SMOX: variants seen among roughly 807,000 people sequenced by gnomAD.
SMOX encodes the protein flavin containing amine oxidase.
Under a neutral mutation model 51.0 loss-of-function variants are expected in SMOX, and 22 were observed. That is an observed-to-expected ratio of 0.43 (90% CI 0.31 to 0.62). The LOEUF (loss-of-function observed/expected upper bound fraction) is 0.62. Among genes scored for constraint, SMOX ranks in the 20% least tolerant of loss-of-function variants. SMOX has a pLI of 0.10. For missense variants in SMOX, 566 were observed against 777.7 expected (o/e 0.73, Z 3.24); for synonymous variants, 282 against 307.8 (o/e 0.92, Z 0.88).
In SMOX at chr20:4,175,422, G is replaced by A. The variant is rs75757823; in HGVS notation, c.208+159G>A. ...CCAGAAGCTTCCTTCGCTCCTCGTG[G>A]CAGCCCTCTGAGGCGGGCATGGTAG... On this transcript the variant is annotated intron_variant, in intron 2 of 6. Transcript: ENST00000305958. Among the ~76,000 whole-genome samples the A allele has an allele frequency of 5.6e-3, 857 of 152,284 alleles. 14 individuals carry two copies. Among genetic ancestry groups the A allele is most frequent in the African/African-American group, 0.019 (805 of 41,554 alleles).
At chr20:4,164,015 C>T (rs2122446882) in intron 1 of SMOX, among the ~76,000 whole-genome samples, 1 of 152,274 alleles carries the variant, frequency 6.6e-6, no homozygotes, top group South Asian at 2.1e-4. Flanking sequence ...CTGGTGGCCA[C>T]ATAAATTGTC....
At chr20:4,161,679 C>T (rs571586393) in intron 1 of SMOX, among the ~76,000 whole-genome samples, 60 of 152,316 alleles carry the variant, frequency 3.9e-4, no homozygotes, top group Admixed American at 7.8e-4. Flanking sequence ...CCTTCCCTGA[C>T]GCCCCTGTGC....
intron 1 of SMOX, among the ~76,000 whole-genome samples, chr20:4,165,593 A>G (rs572151211): frequency 1.4e-4 from 21 of 152,182 alleles, no homozygotes; most frequent in Non-Finnish European, 2.8e-4. Flanking sequence ...AATCCAGACC[A>G]TGGGGTCTTA....
At chr20:4,155,404 G>A (rs956677573) in intron 1 of SMOX, among the ~76,000 whole-genome samples, 3 of 141,356 alleles carry the variant, frequency 2.1e-5, no homozygotes, top group East Asian at 2.1e-4. Context: ...CCTCTGCGGC[G>A]TACGTGGGAG....
At chr20:4,185,366 A>G (rs1309388189) in intron 6 of SMOX, among the ~76,000 whole-genome samples, 1 of 152,224 alleles carries the variant, frequency 6.6e-6, no homozygotes, top group African/African-American at 2.4e-5. Flanking sequence ...CAGGGTAGGT[A>G]GATCAGTACC....
In SMOX at chr20:4,187,561, C is replaced by G. The variant is rs894191705; in HGVS notation, c.*154C>G. ...ACTGCCTTCAGACCTGGCCCTGTAG[C>G]TTTTCTTTTTCTCCAGGCTGGGCCG... On this transcript the variant is annotated 3_prime_UTR_variant, in exon 7 of 7. Transcript: ENST00000305958. The surrounding 1 kb of genome is among the most constrained non-coding windows in gnomAD (Gnocchi z 4.8). The G allele has an allele frequency of 1.0e-5, 12 of 1,145,176 alleles. No individual in the cohort carries two copies. Among genetic ancestry groups the G allele is most frequent in the African/African-American group, 1.5e-5 (1 of 64,598 alleles). 70.9% of individuals were successfully genotyped at this position (1,145,176 alleles called of 1,614,324 possible). A position where few individuals can be genotyped will look rare whatever the true frequency, so the allele number is the denominator to read the frequency against.
At chr20:4,156,784 G>A (rs1356502405) in intron 1 of SMOX, among the ~76,000 whole-genome samples, 2 of 152,008 alleles carry the variant, frequency 1.3e-5, no homozygotes, top group Admixed American at 6.6e-5. Flanking sequence ...ACTCTGTCAC[G>A]CAGGCTGGAG....
At chr20:4,169,024 T>C (rs1370111472) in intron 1 of SMOX, among the ~76,000 whole-genome samples, 1 of 152,026 alleles carries the variant, frequency 6.6e-6, no homozygotes, top group Non-Finnish European at 1.5e-5. Flanking sequence ...CATAGCTCAT[T>C]GCAACCTTGA....
chr20:4,156,366 G>A (rs978390608), intron 1 of SMOX, among the ~76,000 whole-genome samples: 1 of 152,174 alleles, frequency 6.6e-6, no homozygotes, highest in Non-Finnish European at 1.5e-5. Context: ...GGTGGGATGG[G>A]CACATTTGGA....
chr20:4,163,434 T>TG (rs1345501262), intron 1 of SMOX, among the ~76,000 whole-genome samples: 1 of 151,984 alleles, frequency 6.6e-6, no homozygotes, highest in Non-Finnish European at 1.5e-5. Context: ...AGGGGTTGGT[T>TG]GGGGGAGTGT....
In SMOX at chr20:4,170,947, C is replaced by T. The variant is rs998889673; in HGVS notation, c.-26-4083C>T. ...ATTTCTTGGCACTCCTAGGCATTGC[C>T]TGCTTGGGGACATGGAGAATAACCT... On this transcript the variant is annotated intron_variant, in intron 1 of 6. Coordinates refer to ENST00000305958, the MANE Select transcript of SMOX (RefSeq NM_175839.3). This position sits in a 1 kb window ranked among gnomAD's most constrained non-coding sequence, Gnocchi z 4.6. Among the ~76,000 whole-genome samples the T allele has an allele frequency of 2.0e-5, 3 of 152,192 alleles. No homozygotes were observed. Among genetic ancestry groups the T allele is most frequent in the Non-Finnish European group, 4.4e-5 (3 of 68,030 alleles).
chr20:4,155,261 G>A (rs948320086), intron 1 of SMOX, among the ~76,000 whole-genome samples: 9 of 152,140 alleles, frequency 5.9e-5, no homozygotes, highest in Non-Finnish European at 1.2e-4. Flanking sequence ...CCCAGCTGCC[G>A]GGCCATCACC....
At position 4,186,926 on chromosome 20, in the gene SMOX, C is replaced by A. The variant is rs981629516; in HGVS notation, c.1531-344C>A. ...GATTTCCCTTAATCCTTACAACCAC[C>A]CTCCGAAGTAGGTGGTATAAACCCA... is the stretch of plus-strand genomic sequence containing the variant. On this transcript the variant is annotated intron_variant, in intron 6 of 6. Transcript: ENST00000305958. The A allele has an allele frequency of 8.6e-6, 6 of 700,608 alleles. No individual in the cohort carries two copies. The East Asian group carries it at 1.5e-4, about 18-fold the overall frequency. 43.4% of individuals were successfully genotyped at this position (700,608 alleles called of 1,614,324 possible). A position where few individuals can be genotyped will look rare whatever the true frequency, so the allele number is the denominator to read the frequency against.
chr20:4,153,805 T>C lies in SMOX; in HGVS notation c.-27+4828T>C, dbSNP rs1985875436. Among the ~76,000 whole-genome samples, 3 of 152,194 alleles carry C rather than the reference T, an allele frequency of 2.0e-5. No homozygotes were observed. The South Asian group carries it at 6.2e-4, about 32-fold the overall frequency. ...GGCCTGTCCACGGTGCCCAAGTCCT[T>C]GTCTGCTGAGTCGAAGTGAAGGCTG... On this transcript the variant is annotated intron_variant, in intron 1 of 6. Transcript: ENST00000305958. This position sits in a 1 kb window ranked among gnomAD's most constrained non-coding sequence, Gnocchi z 4.4.
Position 4,153,272 on chromosome 20 carries a change from T to C in SMOX, c.-27+4295T>C, listed in dbSNP as rs1985851820. ...TCTGCCTGAGATGCCATCATTAGAA[T>C]GTCACCCTTCTGGGTTTAGCATTGC... On this transcript the variant is annotated intron_variant, in intron 1 of 6. Coordinates refer to ENST00000305958, the MANE Select transcript of SMOX (RefSeq NM_175839.3). The surrounding 1 kb of genome is among the most constrained non-coding windows in gnomAD (Gnocchi z 4.4). Among the ~76,000 whole-genome samples the C allele has an allele frequency of 6.6e-6, 1 of 152,244 alleles. No individual in the cohort carries two copies. Among genetic ancestry groups the C allele is most frequent in the Non-Finnish European group, 1.5e-5 (1 of 68,048 alleles).
chr20:4,180,981 C>A (rs1253139393), intron 3 of SMOX, among the ~76,000 whole-genome samples: 1 of 152,184 alleles, frequency 6.6e-6, no homozygotes, highest in Non-Finnish European at 1.5e-5. Context: ...TTCTGGGGAT[C>A]CCTGGACTGG....
At chr20:4,179,248 A>G (rs1478790682) in intron 3 of SMOX, among the ~76,000 whole-genome samples, 2 of 152,214 alleles carry the variant, frequency 1.3e-5, no homozygotes, top group Admixed American at 6.5e-5. Context: ...TGATTCAAAC[A>G]TGGATGCCTC....
rs536733378 is a variant in SMOX at position 4,182,637 on chromosome 20, T to C, written c.1158T>C (p.Phe386=). The change falls in exon 5 of 7, where the codon TTT becomes TTC. Residue 386 remains phenylalanine (F), a synonymous_variant. Transcript: ENST00000305958. This position sits in a 1 kb window ranked among gnomAD's most constrained non-coding sequence, Gnocchi z 8.4. Reference sequence around the variant, plus strand: ...GCCCTGAGTGCAACAGCCTACAGTTTGTGTGGGAGGACGAAGCAGAGAGCC... The same window carrying C: ...GCCCTGAGTGCAACAGCCTACAGTTCGTGTGGGAGGACGAAGCAGAGAGCC... ...FWGPECNSLQ[F]VWEDEAESHT... The C allele has an allele frequency of 2.5e-6, 4 of 1,613,910 alleles. No individual in the cohort carries two copies. The highest frequency in any genetic ancestry group is 2.7e-5 in the African/African-American group (2 of 74,940).
At chr20:4,156,973 C>T (rs1986047836) in intron 1 of SMOX, among the ~76,000 whole-genome samples, 1 of 152,202 alleles carries the variant, frequency 6.6e-6, no homozygotes, top group African/African-American at 2.4e-5. Context: ...GAACTCCTGG[C>T]CTCAGGTGAT....
Sources: gnomAD v4.1 joint callset for allele counts (sites outside exome capture counted in the v4.1 genomes callset) on GRCh38, gnomAD v4.1.1 for gene constraint, Gnocchi (gnomAD v3.1) non-coding constraint, MANE v1.5 for transcripts, NCBI Gene and HGNC (gene_info 2026-07-23, HGNC 2026-07-21) for gene names.